Variants in PDZD2 observed in about 807,000 individuals in gnomAD.
PDZD2 encodes the protein PDZ domain containing 2.
Under a neutral mutation model 220.7 loss-of-function variants are expected in PDZD2, and 90 were observed. That is an observed-to-expected ratio of 0.41 (90% CI 0.34 to 0.49). The LOEUF is 0.49. Among genes scored for constraint, PDZD2 ranks in the 20% least tolerant of loss-of-function variants. The pLI, the probability that PDZD2 is intolerant of heterozygous loss-of-function variation, is 0.28. For synonymous variants in PDZD2, 1,375 were observed against 1,450.5 expected (o/e 0.95, Z 1.18); for missense variants, 3,174 against 3,608.5 (o/e 0.88, Z 3.08).
intron 2 of PDZD2, among the ~76,000 whole-genome samples, chr5:31,853,421 A>C (rs1163334807): frequency 6.6e-6 from 1 of 152,192 alleles, no homozygotes; most frequent in Non-Finnish European, 1.5e-5. Context: ...CGAAGGAGGA[A>C]TACCATGACC....
At chr5:31,882,736 G>T (rs1381522675) in intron 2 of PDZD2, among the ~76,000 whole-genome samples, 4 of 151,942 alleles carry the variant, frequency 2.6e-5, no homozygotes, top group Non-Finnish European at 5.9e-5. Flanking sequence ...AATTTAAAAG[G>T]CCCAGGTCTG....
At chr5:31,645,128 TC>T (rs1241654640) in intron 1 of PDZD2, among the ~76,000 whole-genome samples, 2 of 152,162 alleles carry the variant, frequency 1.3e-5, no homozygotes, top group African/African-American at 4.8e-5. Flanking sequence ...GATCTGCAAG[TC>T]CTTGAAAGGG....
At chr5:31,968,863 T>A (rs1328320562) in intron 2 of PDZD2, among the ~76,000 whole-genome samples, 4 of 90 alleles carry the variant, frequency 0.044, no homozygotes, top group African/African-American at 0.095. Context: ...CTACCCAGCC[T>A]ACAGTAATTG....
At chr5:32,096,828 G>GGTTT (rs1388092153) in intron 21 of PDZD2, among the ~76,000 whole-genome samples, 1 of 70,572 alleles carries the variant, frequency 1.4e-5, no homozygotes, top group East Asian at 3.6e-4. Context: ...TATGTACTAT[G>GGTTT]ATTTTTTTTT....
chr5:32,087,798 C>A lies in PDZD2; in HGVS notation c.4350C>A (p.Gly1450=). ...RSPSSQTGDS[G]SQEGSAQGHP... is the part of the protein sequence containing the mutation. ...CGTCTTCCCAGACGGGGGACAGTGGCTCTCAGGAGGGCAGTGCTCAGGGCC... is the reference window on the plus strand; with the variant it reads ...CGTCTTCCCAGACGGGGGACAGTGGATCTCAGGAGGGCAGTGCTCAGGGCC... Residue 1450 remains glycine, a synonymous_variant, in exon 20 of 25, where the codon GGC becomes GGA. Coordinates refer to ENST00000438447, the MANE Select transcript of PDZD2 (RefSeq NM_178140.4). This position sits in a 1 kb window ranked among gnomAD's most constrained non-coding sequence, Gnocchi z 4.0. 1 of 1,613,494 alleles carries A rather than the reference C, an allele frequency of 6.2e-7. No homozygotes were observed. The highest frequency in any genetic ancestry group is 8.5e-7 in the Non-Finnish European group (1 of 1,179,856).
chr5:32,095,882 T>C (rs1385591752), intron 21 of PDZD2, among the ~76,000 whole-genome samples: 1 of 142,738 alleles, frequency 7.0e-6, no homozygotes, highest in Non-Finnish European at 1.6e-5. Context: ...CTGGGACTAC[T>C]GGTGCCCGCC....
intron 1 of PDZD2, among the ~76,000 whole-genome samples, chr5:31,768,629 A>C (rs377063049): frequency 7.4e-6 from 1 of 135,326 alleles, no homozygotes; most frequent in East Asian, 2.2e-4. Context: ...CAACAGAGCG[A>C]GACTCTGTCT....
chr5:31,841,208 T>TACAC (rs10584079), intron 2 of PDZD2, among the ~76,000 whole-genome samples: 3 of 150,874 alleles, frequency 2.0e-5, no homozygotes, highest in Admixed American at 6.6e-5. Flanking sequence ...TGCACATGTG[T>TACAC]ACACACACAC....
Position 32,089,521 on chromosome 5 carries a change from G to C in PDZD2, c.6073G>C (p.Glu2025Gln). Reference protein sequence around the residue: ...TTPKSPKCRAEGRAPRADSGP... With the variant: ...TTPKSPKCRAQGRAPRADSGP... Reference sequence around the variant, plus strand: ...CCCTAAATCTCCTAAGTGTAGAGCAGAGGGCAGGGCGCCCCGTGCTGACTC... The same window carrying C: ...CCCTAAATCTCCTAAGTGTAGAGCACAGGGCAGGGCGCCCCGTGCTGACTC... Residue 2025 changes from glutamate (E) to glutamine (Q), a missense_variant, in exon 20 of 25, where the codon GAG (glutamate) becomes CAG (glutamine). By Grantham distance (29) the Glu-to-Gln change is conservative (BLOSUM62 2). Coordinates refer to ENST00000438447, the MANE Select transcript of PDZD2 (RefSeq NM_178140.4). 1 of 1,600,694 alleles carries C rather than the reference G, an allele frequency of 6.2e-7. No individual in the cohort carries two copies. The highest frequency in any genetic ancestry group is 8.5e-7 in the Non-Finnish European group (1 of 1,174,794).
At chr5:31,852,473 A>G (rs533858505) in intron 2 of PDZD2, among the ~76,000 whole-genome samples, 103 of 151,948 alleles carry the variant, frequency 6.8e-4, no homozygotes, top group Non-Finnish European at 1.3e-3. Context: ...TTTAATAGAG[A>G]TGGGGTTTCA....
chr5:31,971,215 C>T (rs1278447978), intron 2 of PDZD2, among the ~76,000 whole-genome samples: 1 of 152,208 alleles, frequency 6.6e-6, no homozygotes, highest in East Asian at 1.9e-4. Context: ...AGCCCAAGAT[C>T]AAGGCACCAG....
chr5:31,856,625 AC>A (rs1342511225), intron 2 of PDZD2, among the ~76,000 whole-genome samples: 2 of 152,078 alleles, frequency 1.3e-5, no homozygotes, highest in Admixed American at 6.6e-5. Context: ...CCAGCGGCGC[AC>A]CTGGCACGTA....
chr5:31,880,401 T>A (rs2150335301), intron 2 of PDZD2, among the ~76,000 whole-genome samples: 1 of 152,342 alleles, frequency 6.6e-6, no homozygotes, highest in Non-Finnish European at 1.5e-5. Context: ...GTCTCAACAT[T>A]CTGCTGTATA....
chr5:32,041,938 G>A lies in PDZD2; in HGVS notation c.1519+4596G>A, dbSNP rs1249735024. On this transcript the variant is annotated intron_variant, in intron 7 of 24. Transcript: ENST00000438447. ...AAAAAAAAAAAAAACATCAATTGCC[G>A]GGCTCGGTGGCTCACGCCTGTAATC... Among the ~76,000 whole-genome samples, 25 of 146,882 alleles carry A rather than the reference G, an allele frequency of 1.7e-4. 1 individual carries two copies. The highest frequency in any genetic ancestry group is 3.3e-4 in the African/African-American group (13 of 38,946).
At chr5:31,670,298 T>G (rs1746164846) in intron 1 of PDZD2, among the ~76,000 whole-genome samples, 1 of 152,236 alleles carries the variant, frequency 6.6e-6, no homozygotes, top group Non-Finnish European at 1.5e-5. Context: ...TTCAGTCATA[T>G]CAGGACTTTA....
intron 2 of PDZD2, among the ~76,000 whole-genome samples, chr5:31,807,065 G>C (rs1249861627): frequency 6.6e-6 from 1 of 151,786 alleles, no homozygotes; most frequent in East Asian, 1.9e-4. Flanking sequence ...CTCTTGAGTA[G>C]CTGGGATTAC....
chr5:31,857,327 T>G (rs717163), intron 2 of PDZD2, among the ~76,000 whole-genome samples: 9,030 of 152,282 alleles, frequency 0.059, 329 homozygotes, highest in Non-Finnish European at 0.079. Context: ...CTCACTGTTA[T>G]TATGAGAATT....
At chr5:31,865,395 C>T (rs530699696) in intron 2 of PDZD2, among the ~76,000 whole-genome samples, 7 of 151,972 alleles carry the variant, frequency 4.6e-5, no homozygotes, top group African/African-American at 7.2e-5. Context: ...TCACTGCAGC[C>T]TCGACCTCTC....
chr5:31,869,335 T>C (rs896504025), intron 2 of PDZD2, among the ~76,000 whole-genome samples: 1 of 152,156 alleles, frequency 6.6e-6, no homozygotes, highest in Admixed American at 6.5e-5. Context: ...CTGTGACGTG[T>C]GTTCATCAGC....
Sources: allele counts gnomAD v4.1 joint callset (sites outside exome capture counted in the v4.1 genomes callset), GRCh38; gene constraint gnomAD v4.1.1; non-coding constraint Gnocchi (gnomAD v3.1); transcripts MANE v1.5; gene names NCBI Gene and HGNC (gene_info 2026-07-23, HGNC 2026-07-21).